Variants in CGNL1 observed in about 807,000 individuals in gnomAD.
CGNL1 encodes cingulin-like protein 1.
Under a neutral mutation model 141.2 loss-of-function variants are expected in CGNL1, and 132 were observed. That is an observed-to-expected ratio of 0.93 (90% CI 0.81 to 1.08). CGNL1 has a LOEUF of 1.08. CGNL1 is among the 50% of genes least tolerant of loss of function. CGNL1 has a pLI of 0.00. For missense variants in CGNL1, 1,870 were observed against 1,588.6 expected, an observed-to-expected ratio of 1.18 and a Z score of -3.01; for synonymous variants, 690 against 622.1, an observed-to-expected ratio of 1.11 and a Z score of -1.63.
chr15:57,539,358 A>T (rs567711229), intron 14 of CGNL1, among the ~76,000 whole-genome samples: 1 of 152,014 alleles, frequency 6.6e-6, no homozygotes, highest in African/African-American at 2.4e-5. Flanking sequence ...TGACCCCAAG[A>T]CAGGGCTGGA....
intron 1 of CGNL1, among the ~76,000 whole-genome samples, chr15:57,394,545 A>G (rs1173159633): frequency 3.3e-5 from 5 of 152,192 alleles, no homozygotes; most frequent in African/African-American, 1.2e-4. Flanking sequence ...GTTCAAAATC[A>G]GGCAGTTTGC....
chr15:57,456,990 C>G (rs1397265795), intron 7 of CGNL1, among the ~76,000 whole-genome samples: 2 of 152,188 alleles, frequency 1.3e-5, no homozygotes, highest in Non-Finnish European at 2.9e-5. Flanking sequence ...ATTGAACATT[C>G]TACAAATTTT....
chr15:57,386,786 C>T (rs1361440212), intron 1 of CGNL1, among the ~76,000 whole-genome samples: 6 of 152,150 alleles, frequency 3.9e-5, no homozygotes, highest in Admixed American at 2.0e-4. Context: ...GGGAGCTTAG[C>T]TCAATAAATG....
At chr15:57,442,651 C>T (rs1418497457) in intron 4 of CGNL1, among the ~76,000 whole-genome samples, 173 bp downstream of exon 4, 3 of 152,144 alleles carry the variant, frequency 2.0e-5, no homozygotes, top group Non-Finnish European at 4.4e-5. Flanking sequence ...GAGACAGAGT[C>T]TCTGTCACCC....
At chr15:57,421,763 C>G (rs1365633217) in intron 1 of CGNL1, among the ~76,000 whole-genome samples, 1 of 152,002 alleles carries the variant, frequency 6.6e-6, no homozygotes, top group Non-Finnish European at 1.5e-5. Context: ...GCAGAGCTGT[C>G]AGGCGTCGTG....
At chr15:57,527,923 A>G (rs1282313336) in intron 12 of CGNL1, among the ~76,000 whole-genome samples, 1 of 152,214 alleles carries the variant, frequency 6.6e-6, no homozygotes, top group African/African-American at 2.4e-5. Flanking sequence ...GTATTTAGTT[A>G]AGGGGCTCTC....
intron 8 of CGNL1, among the ~76,000 whole-genome samples, chr15:57,469,415 AG>A (rs1346098662): frequency 6.7e-6 from 1 of 150,358 alleles, no homozygotes; most frequent in African/African-American, 2.4e-5. Context: ...GAGAGAAAGA[AG>A]CGAAGGGGGC....
chr15:57,445,931 G>C (rs1171515625), intron 4 of CGNL1, among the ~76,000 whole-genome samples: 1 of 152,150 alleles, frequency 6.6e-6, no homozygotes, highest in Non-Finnish European at 1.5e-5. Context: ...TTTTGTAATA[G>C]ACTCTCTTCA....
chr15:57,496,665 G>A (rs1247815625), intron 8 of CGNL1, among the ~76,000 whole-genome samples: 1 of 152,168 alleles, frequency 6.6e-6, no homozygotes. Flanking sequence ...AGTAGTTGGG[G>A]TGGTAGGTGG....
chr15:57,514,788 G>A (rs139998357), intron 8 of CGNL1, among the ~76,000 whole-genome samples: 2 of 152,226 alleles, frequency 1.3e-5, no homozygotes, highest in African/African-American at 4.8e-5. Flanking sequence ...TATGGTATGA[G>A]GAAGATGTCT....
At chr15:57,512,494 T>C (rs75056121) in intron 8 of CGNL1, among the ~76,000 whole-genome samples, 1,778 of 152,194 alleles carry the variant, frequency 0.012, 37 homozygotes, top group African/African-American at 0.04. Context: ...AAAAACATAG[T>C]ATCGCTTTAC....
chr15:57,471,441 T>G (rs1301992921), intron 8 of CGNL1, among the ~76,000 whole-genome samples: 1 of 152,220 alleles, frequency 6.6e-6, no homozygotes, highest in African/African-American at 2.4e-5. Flanking sequence ...GCTGGCATTT[T>G]CTAGCAGTTC....
intron 8 of CGNL1, among the ~76,000 whole-genome samples, chr15:57,469,269 G>A (rs1295802424): frequency 1.3e-5 from 2 of 151,754 alleles, no homozygotes; most frequent in African/African-American, 4.8e-5. Flanking sequence ...GTGCCTGGAA[G>A]GGGGCTGTAC....
intron 8 of CGNL1, among the ~76,000 whole-genome samples, chr15:57,476,575 C>T (rs897906188): frequency 2.0e-5 from 3 of 152,094 alleles, no homozygotes; most frequent in African/African-American, 7.2e-5. Flanking sequence ...GAGTAGTAGG[C>T]GGCCTCTGAA....
rs1035255197 is a variant in CGNL1, at chr15:57,438,085, C to T, written c.86C>T (p.Ser29Leu). The T allele has an allele frequency of 4.3e-6, 7 of 1,613,986 alleles. No individual in the cohort carries two copies. The African/African-American group carries it at 9.3e-5, about 22-fold the overall frequency. The change falls in exon 2 of 19, where the codon TCA becomes TTA. Residue 29 changes from serine to leucine, a missense_variant. Physicochemically the swap from Ser to Leu is moderately radical, Grantham distance 145. Coordinates refer to ENST00000281282, the MANE Select transcript of CGNL1 (RefSeq NM_032866.5). ...LRLASDDTQK[S>L]RSSQNSKAGS... ...CTCGCAAGTGATGATACCCAAAAAT[C>T]AAGGAGTTCCCAGAACTCCAAGGCA... is the stretch of plus-strand genomic sequence containing the variant.
rs1467079884 is a variant in CGNL1 at position 57,524,628 on chromosome 15, G to C, written c.2916G>C (p.Gln972His). 6.2e-7 allele frequency: 1 copy of C among 1,614,086 alleles called. No individual in the cohort carries two copies. The highest frequency in any genetic ancestry group is 8.5e-7 in the Non-Finnish European group (1 of 1,179,972). The change falls in exon 12 of 19, where the codon CAG becomes CAC. Residue 972 changes from glutamine (Q) to histidine (H), a missense_variant. By Grantham distance (24) the Gln-to-His change is conservative. Coordinates refer to ENST00000281282, the MANE Select transcript of CGNL1 (RefSeq NM_032866.5). ...EASRTSTLEL[Q>H]NQLDEYKEKN... ...CCCGTACCTCAACCCTGGAGCTCCA[G>C]AACCAGCTGGATGAGTATAAGGAGA...
At chr15:57,512,219 C>G (rs1223160985) in intron 8 of CGNL1, among the ~76,000 whole-genome samples, 2 of 152,204 alleles carry the variant, frequency 1.3e-5, no homozygotes, top group Admixed American at 6.5e-5. Flanking sequence ...CTTTTCTTCA[C>G]TGGGAGGTCA....
chr15:57,535,248 G>A (rs2032198528), intron 14 of CGNL1, among the ~76,000 whole-genome samples: 1 of 152,204 alleles, frequency 6.6e-6, no homozygotes, highest in Non-Finnish European at 1.5e-5. Context: ...CTGTGTGCAT[G>A]GCATTGCAGT....
In CGNL1 at chr15:57,442,388, C is replaced by G; in HGVS notation, c.1713C>G (p.Asp571Glu). The change falls in exon 4 of 19, where the codon GAC becomes GAG. Residue 571 changes from aspartate (D) to glutamate (E), a missense_variant. Asp to Glu is a conservative substitution (Grantham distance 45). Coordinates refer to ENST00000281282, the MANE Select transcript of CGNL1 (RefSeq NM_032866.5). The part of the protein sequence containing the change: ...NYLKEGSTDN[D>E]DATKRKVNLV... ...CCTTTTTCAGAAGCACTGATAATGA[C>G]GATGCTACTAAAAGGAAAGTCAACT... is the stretch of plus-strand genomic sequence containing the variant. 2 of 1,610,962 alleles carry G rather than the reference C, an allele frequency of 1.2e-6. No homozygotes were observed. The highest frequency in any genetic ancestry group is 1.7e-6 in the Non-Finnish European group (2 of 1,177,532).
Sources: gnomAD v4.1 joint callset for allele counts (sites outside exome capture counted in the v4.1 genomes callset) on GRCh38, gnomAD v4.1.1 for gene constraint, MANE v1.5 for transcripts, NCBI Gene and HGNC (gene_info 2026-07-23, HGNC 2026-07-21) for gene names.